Variants in CLASP2 observed in about 807,000 individuals in gnomAD.
The protein encoded by CLASP2 is cytoplasmic linker associated protein 2.
CLASP2 carries 47 observed loss-of-function variants against 194.4 expected under a neutral mutation model. That is an observed-to-expected ratio of 0.24 (90% CI 0.19 to 0.31). The LOEUF (loss-of-function observed/expected upper bound fraction) is 0.31. Ranked by LOEUF, CLASP2 falls within the 10% of genes least tolerant of loss-of-function variation. The pLI, the probability that CLASP2 is intolerant of heterozygous loss-of-function variation, is 1.00. For synonymous variants in CLASP2, 619 were observed against 633.5 expected, an observed-to-expected ratio of 0.98 and a Z score of 0.34; for missense variants, 1,445 against 1,823.6, an observed-to-expected ratio of 0.79 and a Z score of 3.78.
At chr3:33,523,841 GCA>G (rs1274824780) in intron 34 of CLASP2, among the ~76,000 whole-genome samples, 1 of 152,076 alleles carries the variant, frequency 6.6e-6, no homozygotes, top group African/African-American at 2.4e-5. Context: ...AGCTGGAAAA[GCA>G]CAGAGTTTTT....
In CLASP2 at chr3:33,687,108, G is replaced by C; in HGVS notation, c.498C>G (p.Ser166Arg). The C allele has an allele frequency of 6.2e-7, 1 of 1,602,320 alleles. No individual in the cohort carries two copies. Among genetic ancestry groups the C allele is most frequent in the Non-Finnish European group, 8.5e-7 (1 of 1,174,234 alleles). Residue 166 changes from serine to arginine, a missense_variant, in exon 5 of 39, where the codon AGC becomes AGG. Around this residue, in one of 4 missense-constraint regions of CLASP2, gnomAD observed 332 missense variants for 325.3 expected, o/e 1.02. Coordinates refer to ENST00000682230, the MANE Select transcript of CLASP2 (RefSeq NM_001365631.1). ...NIFGAQPLVI[S>R]KLIPHLCILF... Reference sequence around the variant, plus strand: ...GGATACACAAATGTGGTATCAATTTGCTGATGACTAGTGGCTGAGCCCCAA... The same window carrying C: ...GGATACACAAATGTGGTATCAATTTCCTGATGACTAGTGGCTGAGCCCCAA...
intron 6 of CLASP2, among the ~76,000 whole-genome samples, chr3:33,668,578 G>A (rs539826301): frequency 9.5e-4 from 144 of 152,276 alleles, no homozygotes; most frequent in African/African-American, 3.4e-3. Context: ...ATTAATCTAC[G>A]CTTTAACTTA....
intron 23 of CLASP2, among the ~76,000 whole-genome samples, chr3:33,580,325 G>A (rs1318403159): frequency 6.6e-6 from 1 of 152,246 alleles, no homozygotes; most frequent in African/African-American, 2.4e-5. Flanking sequence ...ACTTTGGGAG[G>A]CCGAGGTAGG....
chr3:33,616,892 C>G (rs1313399774), intron 12 of CLASP2, among the ~76,000 whole-genome samples: 2 of 151,630 alleles, frequency 1.3e-5, no homozygotes, highest in Non-Finnish European at 2.9e-5. Flanking sequence ...CATGCACCAT[C>G]ACGCCCAGCT....
intron 38 of CLASP2, among the ~76,000 whole-genome samples, 174 bp downstream of exon 38, chr3:33,501,475 TAAC>T (rs1467730741): frequency 6.6e-6 from 1 of 152,170 alleles, no homozygotes; most frequent in Non-Finnish European, 1.5e-5. Flanking sequence ...AGTGAACATC[TAAC>T]AAATGTTAGA....
chr3:33,685,368 A>T (rs1355600004), intron 5 of CLASP2, among the ~76,000 whole-genome samples: 1 of 149,022 alleles, frequency 6.7e-6, no homozygotes, highest in Non-Finnish European at 1.5e-5. Flanking sequence ...AAAAAAAAAA[A>T]TCCTATCTGT....
At chr3:33,659,449 T>C in intron 7 of CLASP2, 1 of 974,804 alleles carries the variant, frequency 1.0e-6, no homozygotes, top group South Asian at 4.8e-5. Context: ...AATCACATGA[T>C]CTGATGGATT....
chr3:33,697,226 CA>C (rs2092002234), intron 1 of CLASP2, among the ~76,000 whole-genome samples: 2 of 152,174 alleles, frequency 1.3e-5, no homozygotes, highest in African/African-American at 4.8e-5. Context: ...ACTCTACAGT[CA>C]TGCATCACTT....
rs57940200 is a variant in CLASP2 at position 33,713,012 on chromosome 3, C to CAAAAAAAAAAAAAAAA, written c.195+4780_195+4795dup. On this transcript the variant is annotated intron_variant, in intron 1 of 38. Coordinates refer to ENST00000682230, the MANE Select transcript of CLASP2 (RefSeq NM_001365631.1). Reference sequence around the variant, plus strand: ...GGGCGACAAGAGCAAAACTCCACCTCAAAAAAAAAAAAAAAAAAAAAAAAA... The same window carrying CAAAAAAAAAAAAAAAA: ...GGGCGACAAGAGCAAAACTCCACCTCAAAAAAAAAAAAAAAAAAAAAAAAAAAAAAAAAAAAAAAAA... Among the ~76,000 whole-genome samples, 136 of 47,002 alleles carry CAAAAAAAAAAAAAAAA rather than the reference C, an allele frequency of 2.9e-3. 3 individuals are homozygous for CAAAAAAAAAAAAAAAA. Among genetic ancestry groups the CAAAAAAAAAAAAAAAA allele is most frequent in the Middle Eastern group, 0.015 (1 of 68 alleles). The allele number at this position is 47,002 out of a possible 152,430, so 30.8% of individuals were successfully genotyped here. A position where few individuals can be genotyped will look rare whatever the true frequency, so the allele number is the denominator to read the frequency against.
In CLASP2 at chr3:33,702,184, G is replaced by A. The variant is rs181850004; in HGVS notation, c.196-5251C>T. On this transcript the variant is annotated intron_variant, in intron 1 of 38. Transcript: ENST00000682230. ...AAGGGGCCCAGAATTGTCAAAACAAGCTTGAAAAAGAAAAAGTTGGAAGAC... is the reference window on the plus strand; with the variant it reads ...AAGGGGCCCAGAATTGTCAAAACAAACTTGAAAAAGAAAAAGTTGGAAGAC... Among the ~76,000 whole-genome samples the A allele has an allele frequency of 2.6e-5, 4 of 152,188 alleles. No individual in the cohort carries two copies. The East Asian group carries it at 7.7e-4, about 29-fold the overall frequency.
chr3:33,713,012 C>CAAAAAAAAAAAAAA (rs57940200), intron 1 of CLASP2, among the ~76,000 whole-genome samples: 62 of 47,002 alleles, frequency 1.3e-3, no homozygotes, highest in Non-Finnish European at 1.7e-3. Context: ...AACTCCACCT[C>CAAAAAAAAAAAAAA]AAAAAAAAAA....
At chr3:33,671,315 C>T (rs1458242507) in intron 6 of CLASP2, among the ~76,000 whole-genome samples, 2 of 151,996 alleles carry the variant, frequency 1.3e-5, no homozygotes, top group Non-Finnish European at 2.9e-5. Context: ...TTACCTGATA[C>T]ATCATGTCCA....
intron 22 of CLASP2, 65 bp from the exon 23 acceptor site, chr3:33,581,993 A>C: frequency 8.2e-7 from 1 of 1,222,644 alleles, no homozygotes; most frequent in Non-Finnish European, 1.2e-6. Context: ...GCATTTTAAA[A>C]AATTTTGTTT....
chr3:33,562,381 G>A (rs2061931369), intron 27 of CLASP2, among the ~76,000 whole-genome samples: 1 of 152,074 alleles, frequency 6.6e-6, no homozygotes, highest in African/African-American at 2.4e-5. Context: ...TATTGTCAAG[G>A]AGCTTCACTA....
intron 9 of CLASP2, chr3:33,627,342 C>T: frequency 2.5e-6 from 1 of 401,434 alleles, no homozygotes; most frequent in Non-Finnish European, 4.5e-6. Flanking sequence ...ATTTTAAAAA[C>T]AAGATGTAAA....
intron 29 of CLASP2, among the ~76,000 whole-genome samples, chr3:33,555,422 G>C (rs574579661): frequency 6.6e-6 from 1 of 150,544 alleles, no homozygotes; most frequent in East Asian, 1.9e-4. Flanking sequence ...GTAGAGTGCA[G>C]TGGTGTCATC....
chr3:33,695,452 G>A (rs1473122388), intron 2 of CLASP2, among the ~76,000 whole-genome samples: 1 of 151,834 alleles, frequency 6.6e-6, no homozygotes, highest in African/African-American at 2.4e-5. Context: ...GGAACCTGGT[G>A]TTGATTAAAA....
chr3:33,644,684 G>T, intron 8 of CLASP2, 73 bp downstream of exon 8: 2 of 1,516,254 alleles, frequency 1.3e-6, no homozygotes, highest in East Asian at 4.6e-5. Flanking sequence ...ATATTCCTCT[G>T]AAGTTCCAAG....
chr3:33,645,410 C>G (rs931624902), intron 7 of CLASP2: 1 of 737,596 alleles, frequency 1.4e-6, no homozygotes, highest in East Asian at 2.4e-5. Context: ...AAGATTCTAT[C>G]AAAAAAAGAC....
Sources: gnomAD v4.1 joint callset for allele counts (sites outside exome capture counted in the v4.1 genomes callset) on GRCh38, gnomAD v4.1.1 for gene constraint, gnomAD v4.1.1 regional missense constraint, MANE v1.5 for transcripts, NCBI Gene and HGNC (gene_info 2026-07-23, HGNC 2026-07-21) for gene names.